BCAS4: variants seen among roughly 807,000 people sequenced by gnomAD.
The protein encoded by BCAS4 is breast carcinoma amplified sequence 4.
BCAS4 carries 9 observed loss-of-function variants against 15.7 expected under a neutral mutation model. The ratio of observed to expected loss-of-function variants is 0.57; its 90% CI spans 0.34 to 1.00. The LOEUF is 1.00. BCAS4 is among the 50% of genes least tolerant of loss of function. The probability of loss-of-function intolerance (pLI) is 0.02; values close to 1 mark genes in which losing one functional copy is unlikely to be tolerated. For missense variants in BCAS4, 225 were observed against 239.1 expected, an observed-to-expected ratio of 0.94 and a Z score of 0.39; for synonymous variants, 101 against 99.5, an observed-to-expected ratio of 1.02 and a Z score of -0.09.
chr20:50,800,651 T>C (rs1650697229), intron 1 of BCAS4, among the ~76,000 whole-genome samples: 1 of 140,292 alleles, frequency 7.1e-6, no homozygotes, highest in African/African-American at 2.7e-5. Flanking sequence ...AACCTCCGCC[T>C]CCTGGGTTCA....
At chr20:50,803,848 C>T (rs1569016633) in intron 1 of BCAS4, among the ~76,000 whole-genome samples, 1 of 151,740 alleles carries the variant, frequency 6.6e-6, no homozygotes, top group African/African-American at 2.4e-5. Context: ...ATTGCTTGCC[C>T]CCATCCCTGA....
intron 4 of BCAS4, among the ~76,000 whole-genome samples, chr20:50,864,773 C>T (rs896022336): frequency 1.3e-5 from 2 of 152,038 alleles, no homozygotes; most frequent in South Asian, 2.1e-4. Flanking sequence ...TTGCATCTGC[C>T]GCCTTCTGTG....
intron 1 of BCAS4, among the ~76,000 whole-genome samples, chr20:50,796,251 C>T (rs893918982): frequency 6.7e-6 from 1 of 148,632 alleles, no homozygotes; most frequent in Non-Finnish European, 1.5e-5. Flanking sequence ...GGTGTGTAAT[C>T]CCAGCTACTT....
chr20:50,840,383 C>G (rs2088462070), intron 3 of BCAS4, among the ~76,000 whole-genome samples: 1 of 152,210 alleles, frequency 6.6e-6, no homozygotes, highest in African/African-American at 2.4e-5. Context: ...TCCCACCCCA[C>G]TTCTTCCTTC....
At chr20:50,810,524 G>A (rs1254332850) in intron 1 of BCAS4, among the ~76,000 whole-genome samples, 2 of 151,838 alleles carry the variant, frequency 1.3e-5, no homozygotes, top group African/African-American at 2.4e-5. Context: ...TCCTCCGGAG[G>A]TTTCATTCTG....
In BCAS4 at chr20:50,832,501, G is replaced by A. The variant is rs182012127; in HGVS notation, c.264+2121G>A. ...TCGAACTCCCGACCTCAAGAGATCT[G>A]CCCGCCTCAGCCTCCCAAAGTGCTG... On this transcript the variant is annotated intron_variant, in intron 3 of 4. Transcript: ENST00000371608. 3.5e-3 allele frequency among the ~76,000 whole-genome samples: 531 copies of A among 152,078 alleles called. 3 individuals carry two copies. Among genetic ancestry groups the A allele is most frequent in the African/African-American group, 0.012 (518 of 41,470 alleles).
intron 1 of BCAS4, among the ~76,000 whole-genome samples, chr20:50,802,716 A>G (rs1220140870): frequency 2.0e-5 from 3 of 152,170 alleles, no homozygotes. Flanking sequence ...TACTAAAAAA[A>G]TACAAAAATT....
At chr20:50,873,439 C>G (rs6096138) in intron 4 of BCAS4, among the ~76,000 whole-genome samples, 2,862 of 152,316 alleles carry the variant, frequency 0.019, 96 homozygotes, top group African/African-American at 0.065. Flanking sequence ...TCACAGAACA[C>G]TCTTTGGCCC....
At chr20:50,861,329 C>T (rs1289002235) in intron 4 of BCAS4, among the ~76,000 whole-genome samples, 1 of 152,190 alleles carries the variant, frequency 6.6e-6, no homozygotes, top group Non-Finnish European at 1.5e-5. Context: ...CTCGGGATCT[C>T]ATTCCCTTAT....
intron 2 of BCAS4, among the ~76,000 whole-genome samples, chr20:50,825,181 G>C (rs1267373027): frequency 6.6e-6 from 1 of 152,212 alleles, no homozygotes; most frequent in East Asian, 1.9e-4. Flanking sequence ...AGTGTGCTCT[G>C]TTGGTATCGT....
chr20:50,820,626 A>AGG (rs2123778378), intron 2 of BCAS4, among the ~76,000 whole-genome samples: 1 of 152,296 alleles, frequency 6.6e-6, no homozygotes, highest in East Asian at 1.9e-4. Context: ...ATTCTGCGCA[A>AGG]GGAGACCCAG....
At chr20:50,870,614 G>T (rs1443732627) in intron 4 of BCAS4, among the ~76,000 whole-genome samples, 1 of 152,280 alleles carries the variant, frequency 6.6e-6, no homozygotes, top group Non-Finnish European at 1.5e-5. Flanking sequence ...CCTCAGCCAT[G>T]AGGGACTGTG....
intron 4 of BCAS4, among the ~76,000 whole-genome samples, chr20:50,862,486 C>T (rs762186708): frequency 5.3e-5 from 8 of 151,814 alleles, no homozygotes; most frequent in Non-Finnish European, 7.4e-5. Context: ...GGAGAGGGGT[C>T]GCAGGTGCAT....
At chr20:50,820,905 GA>G (rs138333435) in intron 2 of BCAS4, among the ~76,000 whole-genome samples, 2,364 of 152,166 alleles carry the variant, frequency 0.016, 71 homozygotes, top group African/African-American at 0.054. Flanking sequence ...TTCTGGGGGG[GA>G]AAAAAGCAGG....
chr20:50,873,898 G>A (rs1011901262), intron 4 of BCAS4, among the ~76,000 whole-genome samples: 1 of 152,174 alleles, frequency 6.6e-6, no homozygotes, highest in African/African-American at 2.4e-5. Context: ...AGGTGGTGAC[G>A]CAGGCTGGTA....
intron 4 of BCAS4, among the ~76,000 whole-genome samples, chr20:50,852,955 C>T (rs762165931): frequency 2.0e-5 from 3 of 152,058 alleles, no homozygotes; most frequent in South Asian, 2.1e-4. Context: ...CCAGGGCCCA[C>T]GGCTGGTCTG....
intron 2 of BCAS4, among the ~76,000 whole-genome samples, chr20:50,826,877 A>G (rs1057296439): frequency 1.3e-5 from 2 of 151,952 alleles, no homozygotes; most frequent in African/African-American, 4.8e-5. Flanking sequence ...CTGAGGCTGG[A>G]GAATTGTTTG....
chr20:50,841,853 G>A lies in BCAS4; in HGVS notation c.352G>A (p.Ala118Thr), dbSNP rs773306389. ...GCGGGACCATGGGGCCTTCCCTCAG[G>A]CCCTGCGGAGGTGGCTGGGATCCGC... Reference protein sequence around the residue: ...AERDHGAFPQALRRWLGSAGL... With the variant: ...AERDHGAFPQTLRRWLGSAGL... The change falls in exon 4 of 5, where the codon GCC (alanine) becomes ACC (threonine). Residue 118 changes from alanine to threonine, a missense_variant. Physicochemically the swap from Ala to Thr is moderately conservative, Grantham distance 58. Transcript: ENST00000371608. 6.2e-7 allele frequency: 1 copy of A among 1,609,630 alleles called. No homozygotes were observed. Among genetic ancestry groups the A allele is most frequent in the African/African-American group, 1.3e-5 (1 of 74,780 alleles).
intron 2 of BCAS4, among the ~76,000 whole-genome samples, chr20:50,819,339 C>T (rs2088184204): frequency 6.6e-6 from 1 of 152,134 alleles, no homozygotes; most frequent in Non-Finnish European, 1.5e-5. Context: ...GAGGTGTCTG[C>T]CTGGAGGCCC....
Sources: gnomAD v4.1 joint callset for allele counts (sites outside exome capture counted in the v4.1 genomes callset) on GRCh38, gnomAD v4.1.1 for gene constraint, MANE v1.5 for transcripts, NCBI Gene and HGNC (gene_info 2026-07-23, HGNC 2026-07-21) for gene names.